PPL: variants seen among roughly 807,000 people sequenced by gnomAD.
PPL encodes the protein 190 kDa paraneoplastic pemphigus antigen.
Under a neutral mutation model 194.4 loss-of-function variants are expected in PPL, and 198 were observed. The observed-to-expected ratio is 1.02, with a 90% CI of 0.91 to 1.15. PPL has a LOEUF of 1.15. Among genes scored for constraint, PPL ranks in the 50% most tolerant of loss-of-function variants. The pLI, the probability that PPL is intolerant of heterozygous loss-of-function variation, is 0.00. For missense variants in PPL, 2,885 were observed against 2,294.8 expected, an observed-to-expected ratio of 1.26 and a Z score of -5.25; for synonymous variants, 1,220 against 972.4, an observed-to-expected ratio of 1.25 and a Z score of -4.74.
rs375510440 is a variant in PPL at position 4,895,413 on chromosome 16, G to C, written c.1096-6C>G. On this transcript the variant is annotated splice_region_variant and splice_polypyrimidine_tract_variant and intron_variant, in intron 10 of 21. Coordinates refer to ENST00000345988, the MANE Select transcript of PPL (RefSeq NM_002705.5). Reference sequence around the variant, plus strand: ...TCCAGCACCTTCTCCTGGTCCTGGAGAGAACGGGGTCAGGGGCCCAGGTGA... The same window carrying C: ...TCCAGCACCTTCTCCTGGTCCTGGACAGAACGGGGTCAGGGGCCCAGGTGA... 24 of 1,612,594 alleles carry C rather than the reference G, an allele frequency of 1.5e-5. No homozygotes were observed. The highest frequency in any genetic ancestry group is 1.9e-5 in the Non-Finnish European group (23 of 1,179,696).
At chr16:4,886,293 C>T (rs747576102) in intron 21 of PPL, among the ~76,000 whole-genome samples, 1 of 152,218 alleles carries the variant, frequency 6.6e-6, no homozygotes, top group Non-Finnish European at 1.5e-5. Context: ...GGTCTCCCAC[C>T]TCTGGTCCCC....
chr16:4,928,067 G>C (rs2089181779), intron 1 of PPL, among the ~76,000 whole-genome samples: 4 of 152,180 alleles, frequency 2.6e-5, no homozygotes, highest in Admixed American at 2.6e-4. Context: ...GGATAAACAG[G>C]GCTCAAGCCA....
intron 1 of PPL, among the ~76,000 whole-genome samples, chr16:4,912,499 C>T (rs984719456): frequency 2.0e-5 from 3 of 152,240 alleles, no homozygotes; most frequent in Non-Finnish European, 2.9e-5. Context: ...GTGAGAATCA[C>T]GCTGCTATGA....
intron 1 of PPL, among the ~76,000 whole-genome samples, chr16:4,919,793 G>A (rs1252747085): frequency 8.5e-5 from 13 of 152,134 alleles, no homozygotes; most frequent in Admixed American, 8.5e-4. Flanking sequence ...GCCAGATGTG[G>A]TAGTGTGCAC....
rs144010521 is a variant in PPL at position 4,884,094 on chromosome 16, T to C, written c.4561A>G (p.Ser1521Gly). 5.6e-6 allele frequency: 9 copies of C among 1,613,138 alleles called. No individual in the cohort carries two copies. The African/African-American group carries it at 1.2e-4, about 22-fold the overall frequency. Residue 1521 changes from serine to glycine, a missense_variant, in exon 22 of 22, where the codon AGC becomes GGC. By Grantham distance (56) the Ser-to-Gly change is moderately conservative. Coordinates refer to ENST00000345988, the MANE Select transcript of PPL (RefSeq NM_002705.5). This position sits in a 1 kb window ranked among gnomAD's most constrained non-coding sequence, Gnocchi z 5.7. The stretch of plus-strand genomic sequence containing the variant: ...CTGCGGCTCTCCTCCTCCAGGCTGC[T>C]CTTGAGCCTCTGGATCTCTTGCTCG... ...DTEQEIQRLK[S>G]SLEEESRSKR...
intron 21 of PPL, 45 bp downstream of exon 21, chr16:4,887,090 C>T (rs537383422): frequency 7.0e-7 from 1 of 1,437,234 alleles, no homozygotes; most frequent in South Asian, 1.1e-5. Flanking sequence ...TATTTGTCAC[C>T]TGTTAGAACA....
chr16:4,889,238 GTTGTT>G lies in PPL; in HGVS notation c.2314-182_2314-178del, dbSNP rs2088272481. Among the ~76,000 whole-genome samples the G allele has an allele frequency of 6.4e-4, 14 of 21,784 alleles. 1 individual carries two copies. The highest frequency in any genetic ancestry group is 9.7e-4 in the African/African-American group (13 of 13,406). 14.3% of individuals were successfully genotyped at this position (21,784 alleles called of 152,430 possible). On this transcript the variant is annotated intron_variant, in intron 18 of 21. Coordinates refer to ENST00000345988, the MANE Select transcript of PPL (RefSeq NM_002705.5). ...TGCAAAAGGCAGTTTTTTTGTTGTT[GTTGTT>G]TTTTTTTTTTTTTTTTTTTTTTTTT...
At chr16:4,935,619 C>G (rs1409333224) in intron 1 of PPL, among the ~76,000 whole-genome samples, 2 of 152,036 alleles carry the variant, frequency 1.3e-5, no homozygotes, top group Non-Finnish European at 2.9e-5. Flanking sequence ...TGCCTCTGAG[C>G]TTGAAAGAGC....
In PPL at chr16:4,890,224, TCTGTC is replaced by T; in HGVS notation, c.2268_2272del (p.Thr757GlnfsTer18). On this transcript the variant is annotated frameshift_variant, in exon 18 of 22. Transcript: ENST00000345988. LOFTEE classifies it high-confidence loss of function. The stretch of plus-strand genomic sequence containing the variant: ...CTTGGTCTCCATCTGGCTGAGGCTG[TCTGTC>T]TCCTGGGGCTCGTAACTGGGGATGC... 6.2e-7 allele frequency: 1 copy of T among 1,614,180 alleles called. No individual in the cohort carries two copies. The highest frequency in any genetic ancestry group is 8.5e-7 in the Non-Finnish European group (1 of 1,180,032).
intron 1 of PPL, among the ~76,000 whole-genome samples, chr16:4,932,315 G>A (rs2089235109): frequency 6.6e-6 from 1 of 152,186 alleles, no homozygotes; most frequent in African/African-American, 2.4e-5. Flanking sequence ...CTCCCATATC[G>A]ATCAGGCGTT....
In PPL at chr16:4,885,822, C is replaced by G. The variant is rs140574233; in HGVS notation, c.2833G>C (p.Val945Leu). 62 of 1,608,196 alleles carry G rather than the reference C, an allele frequency of 3.9e-5. No individual in the cohort carries two copies. The East Asian group carries it at 1.3e-3, about 34-fold the overall frequency. The change falls in exon 22 of 22, where the codon GTG becomes CTG. Residue 945 changes from valine to leucine, a missense_variant. By Grantham distance (32) the Val-to-Leu change is conservative. Transcript: ENST00000345988. This position sits in a 1 kb window ranked among gnomAD's most constrained non-coding sequence, Gnocchi z 6.3. ...KEVLKKVPDP[V>L]LEESFQQLQR... is the part of the protein sequence containing the mutation. ...AGCTGCTGGAAGCTCTCCTCCAGCA[C>G]GGGATCCGGCACCTTCTTGAGCACC...
chr16:4,885,712 C>T lies in PPL; in HGVS notation c.2943G>A (p.Leu981=), dbSNP rs776089564. 6.2e-7 allele frequency: 1 copy of T among 1,613,536 alleles called. No homozygotes were observed. Among genetic ancestry groups the T allele is most frequent in the South Asian group, 1.1e-5 (1 of 91,066 alleles). ...GCCCCCCGTCTCTGGTCTCCTGCTCCAGGGCACGCAGCTGCAGCTGCAGTG... is the reference window on the plus strand; with the variant it reads ...GCCCCCCGTCTCTGGTCTCCTGCTCTAGGGCACGCAGCTGCAGCTGCAGTG... The part of the protein sequence containing the change: ...LEALQLQLRA[L]EQETRDGGQE... The change falls in exon 22 of 22, where the codon CTG becomes CTA. Residue 981 remains leucine, a synonymous_variant. Transcript: ENST00000345988. This position sits in a 1 kb window ranked among gnomAD's most constrained non-coding sequence, Gnocchi z 6.3.
rs760239640 is a variant in PPL at position 4,937,058 on chromosome 16, G to C, written c.-13C>G. On this transcript the variant is annotated 5_prime_UTR_variant, in exon 1 of 22. Coordinates refer to ENST00000345988, the MANE Select transcript of PPL (RefSeq NM_002705.5). ...AGAGCGAGTTCATGGTGGCGCTCGG[G>C]GTGCGGGCGGCGGCGGCTGGCGGGC... The C allele has an allele frequency of 2.8e-6, 4 of 1,417,010 alleles. No individual in the cohort carries two copies. Among genetic ancestry groups the C allele is most frequent in the Non-Finnish European group, 3.7e-6 (4 of 1,077,960 alleles). 87.8% of individuals were successfully genotyped at this position (1,417,010 alleles called of 1,614,324 possible).
In PPL at chr16:4,884,648, A is replaced by C. The variant is rs761405383; in HGVS notation, c.4007T>G (p.Ile1336Ser). The C allele has an allele frequency of 5.0e-6, 8 of 1,613,782 alleles. No individual in the cohort carries two copies. The highest frequency in any genetic ancestry group is 2.2e-5 in the South Asian group (2 of 91,048). Residue 1336 changes from isoleucine to serine, a missense_variant, in exon 22 of 22, where the codon ATC (isoleucine) becomes AGC (serine). Physicochemically the swap from Ile to Ser is moderately radical, Grantham distance 142. Coordinates refer to ENST00000345988, the MANE Select transcript of PPL (RefSeq NM_002705.5). The surrounding 1 kb of genome is among the most constrained non-coding windows in gnomAD (Gnocchi z 5.7). Reference sequence around the variant, plus strand: ...CGAGAGCTCCTCCTCTTTCCGGGCGATCTGCTCTTCCTGGGAAGCTCTTTC... The same window carrying C: ...CGAGAGCTCCTCCTCTTTCCGGGCGCTCTGCTCTTCCTGGGAAGCTCTTTC... ...ERERASQEEQ[I>S]ARKEEELSRV...
At chr16:4,906,091 G>C (rs1470122527) in intron 2 of PPL, among the ~76,000 whole-genome samples, 3 of 152,142 alleles carry the variant, frequency 2.0e-5, no homozygotes, top group Non-Finnish European at 2.9e-5. Flanking sequence ...CTTGGCGACA[G>C]AGCGAGACCC....
intron 19 of PPL, 30 bp from the exon 20 acceptor site, chr16:4,888,248 A>C (rs779117823): frequency 1.4e-6 from 2 of 1,462,918 alleles, no homozygotes; most frequent in South Asian, 2.3e-5. Context: ...GGCAGAGGGG[A>C]GATTAAAACA....
At chr16:4,928,380 TC>T (rs1225162830) in intron 1 of PPL, among the ~76,000 whole-genome samples, 1 of 152,242 alleles carries the variant, frequency 6.6e-6, no homozygotes, top group Non-Finnish European at 1.5e-5. Context: ...TCTCAGCAGT[TC>T]TTACCCAGAC....
chr16:4,911,005 T>TCCCCA, intron 1 of PPL, 56 bp from the exon 2 acceptor site: 1 of 1,364,142 alleles, frequency 7.3e-7, no homozygotes, highest in South Asian at 1.2e-5. Context: ...GGGGGCTATG[T>TCCCCA]CCCCACCAGC....
rs1270888635 is a variant in PPL, at chr16:4,885,351, C to G, written c.3304G>C (p.Glu1102Gln). 1.9e-6 allele frequency: 3 copies of G among 1,613,006 alleles called. No individual in the cohort carries two copies. The highest frequency in any genetic ancestry group is 2.7e-5 in the African/African-American group (2 of 75,022). ...CCCTCGGCCATGGCCCGCTCCTTCT[C>G]TAGCCTCTTGAGCTTGTCCTGGAGG... ...SFLQDKLKRLEKERAMAEGKI... is the reference protein window; with the variant it reads ...SFLQDKLKRLQKERAMAEGKI... Residue 1102 changes from glutamate to glutamine, a missense_variant, in exon 22 of 22, where the codon GAG becomes CAG. Transcript: ENST00000345988. The surrounding 1 kb of genome is among the most constrained non-coding windows in gnomAD (Gnocchi z 6.3).
Sources: allele counts gnomAD v4.1 joint callset (sites outside exome capture counted in the v4.1 genomes callset), GRCh38; gene constraint gnomAD v4.1.1; non-coding constraint Gnocchi (gnomAD v3.1); transcripts MANE v1.5; gene names NCBI Gene and HGNC (gene_info 2026-07-23, HGNC 2026-07-21).